Variants in HECTD4 observed in about 807,000 individuals in gnomAD.
The protein encoded by HECTD4 is HECT domain E3 ubiquitin protein ligase 4, also known as probable E3 ubiquitin-protein ligase HECTD4.
HECTD4 carries 114 observed loss-of-function variants against 471.5 expected under a neutral mutation model. The ratio of observed to expected loss-of-function variants is 0.24; its 90% CI spans 0.21 to 0.28. HECTD4 has a LOEUF of 0.28. HECTD4 is among the 10% of genes least tolerant of loss of function. The probability of loss-of-function intolerance (pLI) is 1.00; values close to 1 mark genes in which losing one functional copy is unlikely to be tolerated. For synonymous variants in HECTD4, 2,012 were observed against 2,256.0 expected (o/e 0.89, Z 3.07); for missense variants, 3,866 against 5,651.5 (o/e 0.68, Z 10.13).
At chr12:112,326,370 A>G (rs2035744491) in intron 1 of HECTD4, among the ~76,000 whole-genome samples, 1 of 152,066 alleles carries the variant, frequency 6.6e-6, no homozygotes, top group African/African-American at 2.4e-5. Context: ...GCATGCACCT[A>G]TAGTCCCAGC....
intron 1 of HECTD4, among the ~76,000 whole-genome samples, chr12:112,342,460 A>T (rs911969920): frequency 6.6e-6 from 1 of 152,198 alleles, no homozygotes; most frequent in Admixed American, 6.5e-5. Flanking sequence ...CTGTCTATTT[A>T]AAAACAAACA....
Position 112,170,383 on chromosome 12 carries a change from G to T in HECTD4, c.12002C>A (p.Ala4001Glu). The change falls in exon 69 of 76, where the codon GCG becomes GAG. Residue 4001 changes from alanine (A) to glutamate (E), a missense_variant. Transcript: ENST00000682272. ...GGTGATCTCAGGGGCCGCGTGGTCC[G>T]CTGTCCTCTGCACAGTGGCATTCAG... ...RVLNATVQRTADHAAPEITLD... is the reference protein window; with the variant it reads ...RVLNATVQRTEDHAAPEITLD... The T allele has an allele frequency of 6.2e-6, 10 of 1,613,942 alleles. No individual in the cohort carries two copies. Among genetic ancestry groups the T allele is most frequent in the Non-Finnish European group, 8.5e-6 (10 of 1,179,886 alleles).
rs1367116777 is a variant in HECTD4, at chr12:112,162,021, A to G, written c.*366T>C. 5.1e-6 allele frequency: 1 copy of G among 196,660 alleles called. No individual in the cohort carries two copies. The highest frequency in any genetic ancestry group is 2.3e-5 in the African/African-American group (1 of 42,958). The allele number at this position is 196,660 out of a possible 1,614,324, so 12.2% of individuals were successfully genotyped here. A position where few individuals can be genotyped will look rare whatever the true frequency, so the allele number is the denominator to read the frequency against. ...ACGAGCGCTCTGTGTGGCCGAGGTC[A>G]TTGTACCCCCGGCTTCCTGCTGGGT... On this transcript the variant is annotated 3_prime_UTR_variant, in exon 76 of 76. Coordinates refer to ENST00000682272, the MANE Select transcript of HECTD4 (RefSeq NM_001388303.1). This position sits in a 1 kb window ranked among gnomAD's most constrained non-coding sequence, Gnocchi z 5.2.
rs1182652518 is a variant in HECTD4, at chr12:112,193,960, AT to A, written c.8750-287del. ...GGCCCAGGTCTACGAAATATATCAAATGGGGCTGCTTGGATCCAGGGGTTCC... is the reference window on the plus strand; with the variant it reads ...GGCCCAGGTCTACGAAATATATCAAAGGGGCTGCTTGGATCCAGGGGTTCC... On this transcript the variant is annotated intron_variant, in intron 56 of 75. Transcript: ENST00000682272. The surrounding 1 kb of genome is among the most constrained non-coding windows in gnomAD (Gnocchi z 5.2). Among the ~76,000 whole-genome samples the A allele has an allele frequency of 6.6e-6, 1 of 152,184 alleles. No individual in the cohort carries two copies. The highest frequency in any genetic ancestry group is 2.4e-5 in the African/African-American group (1 of 41,448).
At position 112,279,218 on chromosome 12, in the gene HECTD4, A is replaced by G. The variant is rs1237279261; in HGVS notation, c.1687+10T>C. The G allele has an allele frequency of 6.3e-7, 1 of 1,599,876 alleles. No individual in the cohort carries two copies. Among genetic ancestry groups the G allele is most frequent in the African/African-American group, 1.3e-5 (1 of 74,258 alleles). ...AATCGAGGAAAGTGCCACAAGTAAA[A>G]TTCACTTACTTTTTAAAGATGACAA... On this transcript the variant is annotated intron_variant, in intron 9 of 75. Coordinates refer to ENST00000682272, the MANE Select transcript of HECTD4 (RefSeq NM_001388303.1).
intron 1 of HECTD4, among the ~76,000 whole-genome samples, chr12:112,361,749 G>A (rs1035373777): frequency 6.6e-6 from 1 of 152,048 alleles, no homozygotes; most frequent in Non-Finnish European, 1.5e-5. Context: ...AAAGTCCCAG[G>A]TTATTTGTCA....
chr12:112,231,235 C>A (rs999555087), intron 39 of HECTD4: 1 of 494,352 alleles, frequency 2.0e-6, no homozygotes, highest in African/African-American at 1.9e-5. Flanking sequence ...GTAGCAAGAC[C>A]AGAGTTTATT....
chr12:112,165,045 C>T (rs1427550681), intron 72 of HECTD4, among the ~76,000 whole-genome samples: 5 of 151,366 alleles, frequency 3.3e-5, no homozygotes, highest in Middle Eastern at 3.4e-3. Context: ...CTCAGGCTCC[C>T]GAGTAGCTGG....
intron 1 of HECTD4, among the ~76,000 whole-genome samples, chr12:112,342,839 T>C (rs537867223): frequency 6.6e-6 from 1 of 152,210 alleles, no homozygotes; most frequent in Non-Finnish European, 1.5e-5. Context: ...CTTTCCAATA[T>C]GCTTTTTCAC....
intron 47 of HECTD4, 88 bp downstream of exon 47, chr12:112,216,685 A>C (rs1174573225): frequency 1.4e-6 from 2 of 1,448,610 alleles, no homozygotes; most frequent in Non-Finnish European, 1.9e-6. Flanking sequence ...ACTTGAAGAC[A>C]GAACTCTATT....
chr12:112,362,592 A>G (rs2036470452), intron 1 of HECTD4, among the ~76,000 whole-genome samples: 1 of 152,170 alleles, frequency 6.6e-6, no homozygotes, highest in Non-Finnish European at 1.5e-5. Context: ...GGGAGCATCT[A>G]AGTAACTACT....
chr12:112,272,992 G>T (rs2034449871), intron 11 of HECTD4, among the ~76,000 whole-genome samples: 1 of 152,206 alleles, frequency 6.6e-6, no homozygotes, highest in African/African-American at 2.4e-5. Context: ...GATAGGAGCA[G>T]TTCTAGCTAA....
chr12:112,318,068 A>C (rs1191548067), intron 2 of HECTD4, among the ~76,000 whole-genome samples: 1 of 151,786 alleles, frequency 6.6e-6, no homozygotes, highest in African/African-American at 2.4e-5. Context: ...TGAGGTCAGG[A>C]ATTTGAGACC....
chr12:112,208,893 C>CTTTTTTT (rs756330403), intron 50 of HECTD4, among the ~76,000 whole-genome samples: 2 of 72,458 alleles, frequency 2.8e-5, no homozygotes, highest in Non-Finnish European at 5.1e-5. Flanking sequence ...ACTAAACAGG[C>CTTTTTTT]TTTTTTTTTT....
At chr12:112,313,218 C>T (rs2035405551) in intron 3 of HECTD4, 71 bp from the exon 4 acceptor site, 1 of 1,333,680 alleles carries the variant, frequency 7.5e-7, no homozygotes, top group Admixed American at 2.9e-5. Flanking sequence ...TACCTGCTAC[C>T]CCAAAGAGTA....
At chr12:112,274,818 C>T (rs1468939291) in intron 10 of HECTD4, 29 bp downstream of exon 10, 3 of 1,385,696 alleles carry the variant, frequency 2.2e-6, no homozygotes. Context: ...TTGAAATTTT[C>T]CAAAGATATG....
chr12:112,343,982 G>T (rs182173148), intron 1 of HECTD4, among the ~76,000 whole-genome samples: 42 of 152,280 alleles, frequency 2.8e-4, no homozygotes, highest in African/African-American at 9.1e-4. Flanking sequence ...GAATAGCTCC[G>T]ATGGGTAGCA....
chr12:112,237,372 C>T (rs2033536484), intron 34 of HECTD4, among the ~76,000 whole-genome samples: 1 of 152,186 alleles, frequency 6.6e-6, no homozygotes, highest in Admixed American at 6.5e-5. Context: ...AGGGAAGAAT[C>T]ATTACTTCAC....
intron 7 of HECTD4, among the ~76,000 whole-genome samples, chr12:112,297,638 G>C (rs1187051437): frequency 1.3e-5 from 2 of 152,030 alleles, no homozygotes; most frequent in African/African-American, 4.8e-5. Context: ...AAATGGTAAA[G>C]ATTTTGGAAG....
Sources: gnomAD v4.1 joint callset for allele counts (sites outside exome capture counted in the v4.1 genomes callset) on GRCh38, gnomAD v4.1.1 for gene constraint, Gnocchi (gnomAD v3.1) non-coding constraint, MANE v1.5 for transcripts, NCBI Gene and HGNC (gene_info 2026-07-23, HGNC 2026-07-21) for gene names.